The following SLC26A8 variants were observed in gnomAD, a reference collection of about 807,000 sequenced individuals.
SLC26A8 encodes testis anion transporter 1.
SLC26A8 carries 70 observed loss-of-function variants against 105.0 expected under a neutral mutation model. That is an observed-to-expected ratio of 0.67 (90% CI 0.55 to 0.81). The LOEUF (loss-of-function observed/expected upper bound fraction) is 0.81. Ranked by LOEUF, SLC26A8 falls within the 40% of genes least tolerant of loss-of-function variation. The pLI is 0.00. For missense variants in SLC26A8, 998 were observed against 1,181.8 expected (o/e 0.84, Z 2.28); for synonymous variants, 415 against 438.3 (o/e 0.95, Z 0.66).
intron 4 of SLC26A8, 71 bp downstream of exon 4, chr6:35,999,921 A>G (rs1761470841): frequency 9.9e-7 from 1 of 1,011,022 alleles, no homozygotes; most frequent in Non-Finnish European, 1.5e-6. Context: ...TATGTTGGGT[A>G]CCTTAGCAAT....
intron 19 of SLC26A8, among the ~76,000 whole-genome samples, chr6:35,950,162 G>A (rs528039131): frequency 6.6e-6 from 1 of 152,140 alleles, no homozygotes; most frequent in South Asian, 2.1e-4. Flanking sequence ...GTTTAATAAT[G>A]ATTTCTAGTC....
intron 19 of SLC26A8, among the ~76,000 whole-genome samples, chr6:35,945,987 A>G (rs748959275): frequency 1.3e-5 from 2 of 150,458 alleles, no homozygotes; most frequent in Non-Finnish European, 3.0e-5. Flanking sequence ...TCTTTTTGCT[A>G]TCTCCTCTCC....
intron 5 of SLC26A8, among the ~76,000 whole-genome samples, chr6:35,993,846 C>A (rs1761262160): frequency 6.6e-6 from 1 of 151,776 alleles, no homozygotes; most frequent in African/African-American, 2.4e-5. Flanking sequence ...GGCAACATGG[C>A]GACACTTTGT....
intron 10 of SLC26A8, among the ~76,000 whole-genome samples, chr6:35,974,785 G>A (rs900541128): frequency 1.3e-5 from 2 of 152,164 alleles, no homozygotes; most frequent in African/African-American, 4.8e-5. Context: ...CACCCAGGCT[G>A]GAGTGCAGTG....
chr6:35,967,309 G>A (rs1023390435), intron 11 of SLC26A8, among the ~76,000 whole-genome samples: 1 of 152,148 alleles, frequency 6.6e-6, no homozygotes, highest in Non-Finnish European at 1.5e-5. Flanking sequence ...CAGCTTCAGG[G>A]ACAGCCACCT....
rs192273738 is a variant in SLC26A8, at chr6:35,983,875, A to G, written c.943-1672T>C. Among the ~76,000 whole-genome samples, 734 of 152,208 alleles carry G rather than the reference A, an allele frequency of 4.8e-3. 4 individuals carry two copies. Among genetic ancestry groups the G allele is most frequent in the African/African-American group, 0.017 (689 of 41,540 alleles). The stretch of plus-strand genomic sequence containing the variant: ...TGGCCGAGTCTGCTCTCTTAAGTAC[A>G]GATTGATAGATGTGTGCAGTTTCCT... On this transcript the variant is annotated intron_variant, in intron 7 of 19. Transcript: ENST00000490799.
Position 35,962,205 on chromosome 6 carries a change from A to G in SLC26A8, c.1461+321T>C, listed in dbSNP as rs1389417806. Among the ~76,000 whole-genome samples the G allele has an allele frequency of 4.0e-5, 6 of 150,312 alleles. No homozygotes were observed. The South Asian group carries it at 1.0e-3, about 26-fold the overall frequency. ...CACGCCACTGCACTCCAGCCTGGGCAACAGAGTGAGACTCCGTCTCAAAAA... is the reference window on the plus strand; with the variant it reads ...CACGCCACTGCACTCCAGCCTGGGCGACAGAGTGAGACTCCGTCTCAAAAA... On this transcript the variant is annotated intron_variant, in intron 12 of 19. Transcript: ENST00000490799.
At chr6:35,947,105 T>A (rs561319526) in intron 19 of SLC26A8, among the ~76,000 whole-genome samples, 2 of 152,330 alleles carry the variant, frequency 1.3e-5, no homozygotes, top group South Asian at 4.1e-4. Flanking sequence ...CTCAGCCCAC[T>A]GCAACCTCCG....
At chr6:35,977,442 CTTTTT>C in intron 8 of SLC26A8, 91 bp from the exon 9 acceptor site, 7 of 899,422 alleles carry the variant, frequency 7.8e-6, no homozygotes, top group Non-Finnish European at 9.0e-6. Flanking sequence ...TGTCCTGATT[CTTTTT>C]TTTTTTTTTT....
chr6:35,995,033 C>T (rs1374305723), intron 5 of SLC26A8, among the ~76,000 whole-genome samples: 1 of 152,172 alleles, frequency 6.6e-6, no homozygotes, highest in Non-Finnish European at 1.5e-5. Context: ...ACCTCAGTTT[C>T]CTCATCTATA....
chr6:36,020,602 G>T (rs555938497), intron 1 of SLC26A8, among the ~76,000 whole-genome samples: 12 of 152,198 alleles, frequency 7.9e-5, no homozygotes, highest in Admixed American at 2.6e-4. Context: ...CTGGGTGTCA[G>T]AGCGAGACCC....
chr6:36,013,235 C>T (rs551113945), intron 2 of SLC26A8, among the ~76,000 whole-genome samples: 22 of 149,334 alleles, frequency 1.5e-4, no homozygotes, highest in South Asian at 4.2e-4. Context: ...CTTGCTCTTT[C>T]GCCCAGGCTG....
rs1772000825 is a variant in SLC26A8 at position 35,955,006 on chromosome 6, G to A, written c.2232+146C>T. 5.9e-6 allele frequency: 5 copies of A among 847,534 alleles called. No homozygotes were observed. The South Asian group carries it at 6.4e-5, about 11-fold the overall frequency. The allele number at this position is 847,534 out of a possible 1,614,324, so 52.5% of individuals were successfully genotyped here. On this transcript the variant is annotated intron_variant, in intron 17 of 19. Coordinates refer to ENST00000490799, the MANE Select transcript of SLC26A8 (RefSeq NM_052961.4). Reference sequence around the variant, plus strand: ...TTTTTATTTTGATTGACCTTATATTGTACTGCCTTTGGTGTCCAAGGCTCT... The same window carrying A: ...TTTTTATTTTGATTGACCTTATATTATACTGCCTTTGGTGTCCAAGGCTCT...
At chr6:35,971,896 G>T (rs1453804587) in intron 10 of SLC26A8, among the ~76,000 whole-genome samples, 1 of 152,210 alleles carries the variant, frequency 6.6e-6, no homozygotes. Flanking sequence ...TGGAGAACAC[G>T]GAAGCACAGT....
chr6:35,964,504 G>A (rs555217058), intron 11 of SLC26A8, among the ~76,000 whole-genome samples: 19 of 152,022 alleles, frequency 1.2e-4, no homozygotes, highest in African/African-American at 4.3e-4. Flanking sequence ...AAAATTAGCC[G>A]GGCATGGTGG....
At chr6:36,023,709 A>G (rs1762185681) in intron 1 of SLC26A8, among the ~76,000 whole-genome samples, 1 of 152,190 alleles carries the variant, frequency 6.6e-6, no homozygotes, top group Admixed American at 6.5e-5. Context: ...AATCACGGAA[A>G]GGCAAAATTT....
intron 11 of SLC26A8, among the ~76,000 whole-genome samples, chr6:35,963,719 G>C (rs1772399988): frequency 6.6e-6 from 1 of 152,128 alleles, no homozygotes; most frequent in Non-Finnish European, 1.5e-5. Context: ...GCCTTGCCTT[G>C]TCTGGTTTGC....
chr6:35,966,918 C>T lies in SLC26A8; in HGVS notation c.1365+1959G>A, dbSNP rs116333158. 3.9e-3 allele frequency among the ~76,000 whole-genome samples: 592 copies of T among 152,236 alleles called. 7 individuals carry two copies. The highest frequency in any genetic ancestry group is 0.014 in the African/African-American group (572 of 41,522). Reference sequence around the variant, plus strand: ...AGGAGTCCCAAATTTTATCACTACCCGTCAGTGAACTCTGATAATTTTTGT... The same window carrying T: ...AGGAGTCCCAAATTTTATCACTACCTGTCAGTGAACTCTGATAATTTTTGT... On this transcript the variant is annotated intron_variant, in intron 11 of 19. Coordinates refer to ENST00000490799, the MANE Select transcript of SLC26A8 (RefSeq NM_052961.4).
intron 19 of SLC26A8, among the ~76,000 whole-genome samples, chr6:35,945,810 G>C (rs1200403705): frequency 6.6e-6 from 1 of 152,216 alleles, no homozygotes; most frequent in African/African-American, 2.4e-5. Context: ...ACCAGACACT[G>C]AGCTTGTCAC....
Sources: gnomAD v4.1 joint callset for allele counts (sites outside exome capture counted in the v4.1 genomes callset) on GRCh38, gnomAD v4.1.1 for gene constraint, MANE v1.5 for transcripts, NCBI Gene and HGNC (gene_info 2026-07-23, HGNC 2026-07-21) for gene names.